Variants in TSNARE1 observed in about 807,000 individuals in gnomAD.
The protein encoded by TSNARE1 is t-SNARE domain-containing protein 1.
In TSNARE1, 49 loss-of-function variants were observed where a neutral mutation model predicts 62.0. That is an observed-to-expected ratio of 0.79 (90% CI 0.63 to 1.00). The LOEUF is 1.00. Among genes scored for constraint, TSNARE1 ranks in the 50% least tolerant of loss-of-function variants. The pLI is 0.00. For missense variants in TSNARE1, 755 were observed against 700.1 expected (o/e 1.08, Z -0.88); for synonymous variants, 328 against 294.4 (o/e 1.11, Z -1.17).
In TSNARE1 at chr8:142,281,403, C is replaced by T. The variant is rs561648640; in HGVS notation, c.1363+3010G>A. On this transcript the variant is annotated intron_variant, in intron 11 of 13. Coordinates refer to ENST00000524325, the MANE Select transcript of TSNARE1 (RefSeq NM_145003.5). ...GAGCGGGAAAGACACCAAAACACAGCAGGGATGGGGTCCCTGTGGGAGGGG... is the reference window on the plus strand; with the variant it reads ...GAGCGGGAAAGACACCAAAACACAGTAGGGATGGGGTCCCTGTGGGAGGGG... Among the ~76,000 whole-genome samples the T allele has an allele frequency of 9.2e-5, 14 of 152,156 alleles. No individual in the cohort carries two copies. In the South Asian group the frequency reaches 2.9e-3, roughly 32 times the overall value.
intron 12 of TSNARE1, among the ~76,000 whole-genome samples, chr8:142,260,217 T>C (rs1430590233): frequency 6.6e-6 from 1 of 152,168 alleles, no homozygotes; most frequent in Non-Finnish European, 1.5e-5. Context: ...GGCAGGCCCC[T>C]AATTTTACAG....
At chr8:142,224,359 C>T (rs1328996656) in intron 13 of TSNARE1, among the ~76,000 whole-genome samples, 2 of 152,222 alleles carry the variant, frequency 1.3e-5, no homozygotes, top group Non-Finnish European at 2.9e-5. Context: ...TGACCTCTGA[C>T]CCTGATCACA....
At chr8:142,367,659 T>C (rs1239770244) in intron 1 of TSNARE1, among the ~76,000 whole-genome samples, 1 of 152,138 alleles carries the variant, frequency 6.6e-6, no homozygotes, top group African/African-American at 2.4e-5. Flanking sequence ...ATTATACACT[T>C]CAAAACGGTG....
At chr8:142,395,847 G>A (rs1837856264) in intron 1 of TSNARE1, among the ~76,000 whole-genome samples, 1 of 152,212 alleles carries the variant, frequency 6.6e-6, no homozygotes, top group Admixed American at 6.5e-5. Context: ...GGAGGCTGCT[G>A]TGTTGTGTTG....
chr8:142,224,856 G>A (rs1816700338), intron 13 of TSNARE1, among the ~76,000 whole-genome samples: 1 of 152,174 alleles, frequency 6.6e-6, no homozygotes, highest in Admixed American at 6.5e-5. Context: ...AGAGCAGTCA[G>A]GATGCTGATG....
At chr8:142,398,664 T>A (rs1362798012) in intron 1 of TSNARE1, among the ~76,000 whole-genome samples, 1 of 152,138 alleles carries the variant, frequency 6.6e-6, no homozygotes, top group African/African-American at 2.4e-5. Context: ...TGCCACTGTG[T>A]CCATCCCAAG....
chr8:142,323,865 A>C (rs1829835330), intron 6 of TSNARE1, among the ~76,000 whole-genome samples: 1 of 152,156 alleles, frequency 6.6e-6, no homozygotes, highest in African/African-American at 2.4e-5. Context: ...GTCCCACTCC[A>C]TCACCATAGC....
intron 7 of TSNARE1, 139 bp from the exon 8 acceptor site, chr8:142,315,231 G>T: frequency 1.2e-6 from 1 of 825,980 alleles, no homozygotes; most frequent in South Asian, 1.6e-5. Context: ...CTTCCCCTCC[G>T]TGTCACCGTC....
intron 6 of TSNARE1, among the ~76,000 whole-genome samples, chr8:142,330,642 G>A (rs1830878279): frequency 6.6e-6 from 1 of 152,258 alleles, no homozygotes; most frequent in South Asian, 2.1e-4. Flanking sequence ...AGGTGCACCT[G>A]GGCTTCTACG....
chr8:142,369,934 ATGTGTT>A (rs1835807530), intron 1 of TSNARE1, among the ~76,000 whole-genome samples: 1 of 152,210 alleles, frequency 6.6e-6, no homozygotes, highest in African/African-American at 2.4e-5. Flanking sequence ...TCTAGACTGA[ATGTGTT>A]TTCCAAGGTT....
upstream of TSNARE1, chr8:142,403,740 A>G (rs1402257731): frequency 6.6e-6 from 1 of 152,124 alleles, no homozygotes; most frequent in Non-Finnish European, 1.5e-5. Context: ...CATCTGAGGG[A>G]CCTTTGCCCG....
chr8:142,316,330 T>C (rs1586756172), intron 7 of TSNARE1, among the ~76,000 whole-genome samples: 1 of 151,386 alleles, frequency 6.6e-6, no homozygotes, highest in African/African-American at 2.4e-5. Flanking sequence ...CTATGAGGAG[T>C]GACCCATGCA....
At chr8:142,382,864 C>T (rs1167922988) in intron 1 of TSNARE1, among the ~76,000 whole-genome samples, 2 of 152,234 alleles carry the variant, frequency 1.3e-5, no homozygotes, top group African/African-American at 2.4e-5. Context: ...AGATCAACCA[C>T]GGAGTGGGCC....
intron 1 of TSNARE1, among the ~76,000 whole-genome samples, chr8:142,371,948 A>G (rs1217365294): frequency 6.6e-6 from 1 of 152,030 alleles, no homozygotes; most frequent in African/African-American, 2.4e-5. Context: ...TGCAACAGAC[A>G]CTCTAAAGCC....
At chr8:142,338,912 C>A (rs1031296699) in intron 4 of TSNARE1, among the ~76,000 whole-genome samples, 1 of 152,152 alleles carries the variant, frequency 6.6e-6, no homozygotes, top group African/African-American at 2.4e-5. Context: ...CTGGGAGCCA[C>A]CATACACTGG....
chr8:142,344,685 C>T (rs557058347), intron 3 of TSNARE1, among the ~76,000 whole-genome samples: 3 of 152,346 alleles, frequency 2.0e-5, no homozygotes, highest in Admixed American at 6.5e-5. Context: ...TCAGCAAGCA[C>T]GTAGCTTCTG....
At position 142,212,224 on chromosome 8, in the gene TSNARE1, G is replaced by A. The variant is rs78564166; in HGVS notation, c.*101C>T. 20,940 of 152,390 alleles carry A rather than the reference G, an allele frequency of 0.14. 2,117 individuals carry two copies. Among genetic ancestry groups the A allele is most frequent in the East Asian group, 0.52 (2,672 of 5,162 alleles). The allele number at this position is 152,390 out of a possible 1,614,324, so 9.4% of individuals were successfully genotyped here. A position where few individuals can be genotyped will look rare whatever the true frequency, so the allele number is the denominator to read the frequency against. On this transcript the variant is annotated 3_prime_UTR_variant, in exon 14 of 14. Coordinates refer to ENST00000524325, the MANE Select transcript of TSNARE1 (RefSeq NM_145003.5). ...TGACGGCATCAGCTGACAACGCAGC[G>A]GACTCCATCAGCTCCCAGCTCCGGG... is the stretch of plus-strand genomic sequence containing the variant.
chr8:142,267,118 TA>T (rs1311320602), intron 12 of TSNARE1, among the ~76,000 whole-genome samples: 9 of 152,256 alleles, frequency 5.9e-5, no homozygotes, highest in Non-Finnish European at 1.2e-4. Flanking sequence ...TTGCAACAGC[TA>T]AAATCTTTTG....
chr8:142,354,791 A>G (rs769766609), intron 1 of TSNARE1, 28 bp from the exon 2 acceptor site: 5 of 1,329,832 alleles, frequency 3.8e-6, no homozygotes, highest in South Asian at 3.5e-5. Context: ...AGCAGGGGGA[A>G]GAGGGGGAAG....
Sources: allele counts gnomAD v4.1 joint callset (sites outside exome capture counted in the v4.1 genomes callset), GRCh38; gene constraint gnomAD v4.1.1; transcripts MANE v1.5; gene names NCBI Gene and HGNC (gene_info 2026-07-23, HGNC 2026-07-21).